Variants in UTRN observed in about 807,000 individuals in gnomAD.
The protein encoded by UTRN is dystrophin-related protein 1.
UTRN carries 283 observed loss-of-function variants against 463.9 expected under a neutral mutation model. The observed-to-expected ratio is 0.61, with a 90% CI of 0.55 to 0.67. UTRN has a LOEUF of 0.67. Among genes scored for constraint, UTRN ranks in the 30% least tolerant of loss-of-function variants. UTRN has a pLI of 0.00. For missense variants in UTRN, 3,922 were observed against 4,084.3 expected, an observed-to-expected ratio of 0.96 and a Z score of 1.08; for synonymous variants, 1,442 against 1,431.5, an observed-to-expected ratio of 1.01 and a Z score of -0.17.
intron 51 of UTRN, among the ~76,000 whole-genome samples, chr6:144,597,440 A>G (rs1293599369): frequency 1.3e-5 from 2 of 152,176 alleles, no homozygotes; most frequent in Non-Finnish European, 2.9e-5. Context: ...CTCATTTATT[A>G]TATTTTACTA....
intron 54 of UTRN, among the ~76,000 whole-genome samples, chr6:144,741,397 T>A (rs77449442): frequency 1.3e-5 from 2 of 152,104 alleles, no homozygotes; most frequent in Non-Finnish European, 2.9e-5. Flanking sequence ...AGGGGAGAAT[T>A]TTCTTCTTTA....
At chr6:144,304,007 G>A (rs73585072) in intron 2 of UTRN, among the ~76,000 whole-genome samples, 9,201 of 152,210 alleles carry the variant, frequency 0.06, 907 homozygotes, top group African/African-American at 0.21. Flanking sequence ...AGTGGTAGAA[G>A]GGCCCTGGAG....
intron 35 of UTRN, among the ~76,000 whole-genome samples, chr6:144,512,511 G>C (rs537302671): frequency 1.3e-5 from 2 of 150,602 alleles, no homozygotes; most frequent in East Asian, 3.9e-4. Context: ...AAGTTCAGGG[G>C]TACAAGGGCA....
intron 58 of UTRN, among the ~76,000 whole-genome samples, chr6:144,762,107 C>T (rs534213535): frequency 6.6e-6 from 1 of 152,006 alleles, no homozygotes; most frequent in Non-Finnish European, 1.5e-5. Flanking sequence ...CTATAATTAC[C>T]CCCATTTACA....
At chr6:144,586,360 G>A (rs913520640) in intron 51 of UTRN, among the ~76,000 whole-genome samples, 1 of 152,032 alleles carries the variant, frequency 6.6e-6, no homozygotes, top group Non-Finnish European at 1.5e-5. Flanking sequence ...AAGCAAAAAC[G>A]TAAGTGCTGC....
chr6:144,765,937 T>C (rs1793273050), intron 58 of UTRN, among the ~76,000 whole-genome samples: 1 of 152,134 alleles, frequency 6.6e-6, no homozygotes, highest in Admixed American at 6.5e-5. Flanking sequence ...CTTAAGTTAA[T>C]TTTTGTTTCT....
intron 74 of UTRN, among the ~76,000 whole-genome samples, chr6:144,849,939 T>G (rs1562984998): frequency 1.3e-5 from 2 of 152,190 alleles, no homozygotes; most frequent in Non-Finnish European, 2.9e-5. Flanking sequence ...CTCAAACCAC[T>G]TCTTTGAATT....
At chr6:144,549,220 A>G (rs1290716669) in intron 47 of UTRN, among the ~76,000 whole-genome samples, 1 of 152,228 alleles carries the variant, frequency 6.6e-6, no homozygotes, top group Non-Finnish European at 1.5e-5. Flanking sequence ...TAATGAGATT[A>G]ATTTCTGATT....
intron 46 of UTRN, among the ~76,000 whole-genome samples, chr6:144,543,746 C>A (rs1798177187): frequency 6.6e-6 from 1 of 151,420 alleles, no homozygotes; most frequent in South Asian, 2.1e-4. Context: ...TCTTATTTTT[C>A]TTTTCTTTTC....
At chr6:144,347,170 T>A (rs1777658081) in intron 2 of UTRN, among the ~76,000 whole-genome samples, 1 of 152,230 alleles carries the variant, frequency 6.6e-6, no homozygotes, top group Non-Finnish European at 1.5e-5. Flanking sequence ...CTGACAGGAC[T>A]CTATGTCAGC....
At chr6:144,520,817 C>T (rs1021207553) in intron 39 of UTRN, among the ~76,000 whole-genome samples, 2 of 152,108 alleles carry the variant, frequency 1.3e-5, no homozygotes, top group African/African-American at 4.8e-5. Flanking sequence ...AGAAGTTCAA[C>T]ATAGGAGAAG....
chr6:144,824,804 G>A (rs1262527011), intron 66 of UTRN, among the ~76,000 whole-genome samples: 1 of 148,506 alleles, frequency 6.7e-6, no homozygotes, highest in African/African-American at 2.5e-5. Flanking sequence ...CGTTAAGAAT[G>A]ACGCTGAATG....
At chr6:144,723,890 A>G (rs759909710) in intron 53 of UTRN, among the ~76,000 whole-genome samples, 22 of 151,674 alleles carry the variant, frequency 1.5e-4, no homozygotes, top group African/African-American at 3.1e-4. Context: ...CATGCCTGTA[A>G]TCCCAGCTAC....
chr6:144,757,790 G>A, intron 57 of UTRN, 139 bp from the exon 58 acceptor site: 1 of 670,428 alleles, frequency 1.5e-6, no homozygotes, highest in Non-Finnish European at 2.4e-6. Flanking sequence ...TTGGCCCAGT[G>A]GATCTCATAA....
In UTRN at chr6:144,491,082, A is replaced by G. The variant is rs369663621; in HGVS notation, c.4417A>G (p.Thr1473Ala). 6.2e-7 allele frequency: 1 copy of G among 1,606,944 alleles called. No individual in the cohort carries two copies. The highest frequency in any genetic ancestry group is 8.5e-7 in the Non-Finnish European group (1 of 1,177,780). ...GGACGTAGACCCTGACGTCATACAGACGCACCTGGACAAGTGTATGGTGAG... is the reference window on the plus strand; with the variant it reads ...GGACGTAGACCCTGACGTCATACAGGCGCACCTGGACAAGTGTATGGTGAG... Reference protein sequence around the residue: ...VKDVDPDVIQTHLDKCMKLYK... With the variant: ...VKDVDPDVIQAHLDKCMKLYK... The change falls in exon 32 of 75, where the codon ACG (threonine) becomes GCG (alanine). Residue 1473 changes from threonine to alanine, a missense_variant. By Grantham distance (58) the Thr-to-Ala change is moderately conservative. Around this residue, in one of 3 missense-constraint regions of UTRN, gnomAD observed 2,349 missense variants for 2,303.8 expected, o/e 1.02. Transcript: ENST00000367545.
At chr6:144,752,362 AAATATCT>A (rs1287861500) in intron 56 of UTRN, among the ~76,000 whole-genome samples, 4 of 151,902 alleles carry the variant, frequency 2.6e-5, no homozygotes, top group Non-Finnish European at 5.9e-5. Context: ...GTTGCTATTT[AAATATCT>A]TCCTTATTTT....
chr6:144,563,958 C>T (rs752052028), intron 50 of UTRN, among the ~76,000 whole-genome samples: 1 of 152,122 alleles, frequency 6.6e-6, no homozygotes, highest in Non-Finnish European at 1.5e-5. Context: ...AACTAAAGAG[C>T]CAATGCCCAC....
chr6:144,754,946 C>A, intron 57 of UTRN, 148 bp downstream of exon 57: 1 of 707,244 alleles, frequency 1.4e-6, no homozygotes, highest in Non-Finnish European at 2.3e-6. Context: ...GAAAATATTG[C>A]TTAATGGTTA....
intron 52 of UTRN, among the ~76,000 whole-genome samples, chr6:144,681,981 A>G (rs1437595521): frequency 6.6e-6 from 1 of 152,200 alleles, no homozygotes; most frequent in Admixed American, 6.5e-5. Context: ...CTTTTGTGTT[A>G]CAAACAATCC....
Sources: allele counts gnomAD v4.1 joint callset (sites outside exome capture counted in the v4.1 genomes callset), GRCh38; gene constraint gnomAD v4.1.1; regional missense constraint gnomAD v4.1.1; transcripts MANE v1.5; gene names NCBI Gene and HGNC (gene_info 2026-07-23, HGNC 2026-07-21).